Variants in PRIM2 observed in about 807,000 individuals in gnomAD.
The protein encoded by PRIM2 is DNA primase large subunit.
In PRIM2, 39 loss-of-function variants were observed where a neutral mutation model predicts 67.3. The observed-to-expected ratio is 0.58, with a 90% CI of 0.45 to 0.76. PRIM2 has a LOEUF of 0.76. Among genes scored for constraint, PRIM2 ranks in the 30% least tolerant of loss-of-function variants. The pLI is 0.00. For missense variants in PRIM2, 398 were observed against 598.7 expected (o/e 0.66, Z 3.50); for synonymous variants, 143 against 198.7 (o/e 0.72, Z 2.36).
At chr6:57,530,894 G>A (rs1461329704) in intron 8 of PRIM2, among the ~76,000 whole-genome samples, 1 of 151,946 alleles carries the variant, frequency 6.6e-6, no homozygotes, top group African/African-American at 2.4e-5. Flanking sequence ...GTAGAGACAA[G>A]GTTTTGTCAT....
the PRIM2 span, among the ~76,000 whole-genome samples, chr6:57,281,726 A>G: frequency 3.3e-5 from 5 of 152,172 alleles, no homozygotes; most frequent in Non-Finnish European, 5.9e-5. Context: ...TGGGACTTTC[A>G]GGACCCCACA....
chr6:57,572,066 A>G (rs1234526422), intron 10 of PRIM2, among the ~76,000 whole-genome samples: 51 of 152,290 alleles, frequency 3.3e-4, no homozygotes, highest in African/African-American at 1.2e-3. Context: ...TCCAACTACA[A>G]TTTTTAAATC....
intron 7 of PRIM2, among the ~76,000 whole-genome samples, chr6:57,441,922 A>C (rs1772213844): frequency 6.6e-6 from 1 of 152,116 alleles, no homozygotes; most frequent in South Asian, 2.1e-4. Context: ...TAATATTAAA[A>C]AGATGTACCC....
intron 7 of PRIM2, among the ~76,000 whole-genome samples, chr6:57,397,638 T>G (rs895738538): frequency 1.3e-5 from 2 of 152,154 alleles, no homozygotes; most frequent in Non-Finnish European, 2.9e-5. Flanking sequence ...CTGATTAGCT[T>G]AATAACTAAC....
intron 7 of PRIM2, among the ~76,000 whole-genome samples, chr6:57,412,108 C>T (rs2127364782): frequency 6.6e-6 from 1 of 150,820 alleles, no homozygotes; most frequent in East Asian, 1.9e-4. Context: ...AACACTAAGC[C>T]TTTTTGTAGA....
At chr6:57,519,949 A>G (rs2127463851) in intron 8 of PRIM2, among the ~76,000 whole-genome samples, 1 of 152,360 alleles carries the variant, frequency 6.6e-6, no homozygotes, top group Admixed American at 6.5e-5. Context: ...GACTTCCCGC[A>G]ACAACTTATT....
intron 7 of PRIM2, among the ~76,000 whole-genome samples, chr6:57,432,527 T>C (rs1771872314): frequency 8.2e-6 from 1 of 121,726 alleles, no homozygotes; most frequent in African/African-American, 3.5e-5. Flanking sequence ...AATTAGCAAG[T>C]GAAGTGTTTG....
chr6:57,497,210 T>C (rs1554346460), intron 7 of PRIM2, among the ~76,000 whole-genome samples: 2 of 152,188 alleles, frequency 1.3e-5, no homozygotes, highest in African/African-American at 4.8e-5. Context: ...GCATAAAGGT[T>C]ACCTGTTGTT....
At chr6:57,451,582 C>A (rs1191194028) in intron 7 of PRIM2, among the ~76,000 whole-genome samples, 2 of 152,060 alleles carry the variant, frequency 1.3e-5, no homozygotes, top group African/African-American at 4.8e-5. Context: ...AAGGCTCATT[C>A]CAGCATTTAA....
rs1231791646 is a variant in PRIM2, at chr6:57,545,714, A to G, written c.1020+8089A>G. On this transcript the variant is annotated intron_variant, in intron 10 of 13. Coordinates refer to ENST00000615550, the MANE Select transcript of PRIM2 (RefSeq NM_000947.5). Reference sequence around the variant, plus strand: ...CTCCTAAAATGCTGGGATTACATGCATGAGCCACCATGCCTGGCCCCTCCA... The same window carrying G: ...CTCCTAAAATGCTGGGATTACATGCGTGAGCCACCATGCCTGGCCCCTCCA... Among the ~76,000 whole-genome samples, 214 of 152,300 alleles carry G rather than the reference A, an allele frequency of 1.4e-3. 5 individuals are homozygous for G. In the East Asian group the frequency reaches 0.019, roughly 14 times the overall value.
intron 5 of PRIM2, among the ~76,000 whole-genome samples, chr6:57,356,411 G>A (rs2127307073): frequency 6.6e-6 from 1 of 152,232 alleles, no homozygotes; most frequent in African/African-American, 2.4e-5. Flanking sequence ...GCTTTTGTAT[G>A]AGATTTGCAA....
At chr6:57,331,032 C>CA (rs1317302036) in intron 5 of PRIM2, among the ~76,000 whole-genome samples, 3 of 151,386 alleles carry the variant, frequency 2.0e-5, no homozygotes, top group Admixed American at 1.3e-4. Flanking sequence ...AAAAAAATAC[C>CA]AAAAAATTAG....
Position 57,416,245 on chromosome 6 carries a change from C to T in PRIM2, c.693+34077C>T, listed in dbSNP as rs541051920. Among the ~76,000 whole-genome samples the T allele has an allele frequency of 9.2e-5, 14 of 152,326 alleles. No homozygotes were observed. The South Asian group carries it at 2.9e-3, about 32-fold the overall frequency. On this transcript the variant is annotated intron_variant, in intron 7 of 13. Coordinates refer to ENST00000615550, the MANE Select transcript of PRIM2 (RefSeq NM_000947.5). ...TGAAGACACTAATCTCCTTGTACAT[C>T]TCTATCAGAGCTCTTCAGTGACCAG...
chr6:57,343,447 C>T lies in PRIM2; in HGVS notation c.459+17402C>T, dbSNP rs1768561775. ...TGTGTGATGCCTGCAAAATAGAGAG[C>T]TGTGTGTACCTTTTTATATCTTTTG... On this transcript the variant is annotated intron_variant, in intron 5 of 13. Transcript: ENST00000615550. Among the ~76,000 whole-genome samples the T allele has an allele frequency of 1.3e-5, 2 of 152,174 alleles. 1 individual carries two copies. The highest frequency in any genetic ancestry group is 4.1e-4 in the South Asian group (2 of 4,826).
the PRIM2 span, among the ~76,000 whole-genome samples, chr6:57,277,629 G>A: frequency 6.6e-6 from 1 of 152,012 alleles, no homozygotes; most frequent in African/African-American, 2.4e-5. Context: ...TGGAAAATGA[G>A]TTGATTTCAG....
intron 7 of PRIM2, among the ~76,000 whole-genome samples, chr6:57,396,484 T>C (rs1770519151): frequency 6.6e-6 from 1 of 152,206 alleles, no homozygotes; most frequent in African/African-American, 2.4e-5. Flanking sequence ...TGCTCACTTT[T>C]GGTGTCCATT....
upstream of PRIM2, among the ~76,000 whole-genome samples, chr6:57,313,097 A>G (rs1483531128): frequency 2.0e-5 from 3 of 152,212 alleles, no homozygotes; most frequent in Non-Finnish European, 2.9e-5. Context: ...ATGAATTAAG[A>G]TTAGCCTTCC....
At chr6:57,632,908 TA>T (rs1777059405) in intron 13 of PRIM2, among the ~76,000 whole-genome samples, 1 of 152,250 alleles carries the variant, frequency 6.6e-6, no homozygotes, top group African/African-American at 2.4e-5. Context: ...GTTTGGTTTT[TA>T]TCTTGCCAGC....
At chr6:57,477,719 G>A (rs2127404458) in intron 7 of PRIM2, among the ~76,000 whole-genome samples, 1 of 152,316 alleles carries the variant, frequency 6.6e-6, no homozygotes, top group East Asian at 1.9e-4. Flanking sequence ...TAGACTGGTA[G>A]ACAGGAGGTT....
Sources: gnomAD v4.1 joint callset for allele counts (sites outside exome capture counted in the v4.1 genomes callset) on GRCh38, gnomAD v4.1.1 for gene constraint, MANE v1.5 for transcripts, NCBI Gene and HGNC (gene_info 2026-07-23, HGNC 2026-07-21) for gene names.